Variants in MEMO1 observed in about 807,000 individuals in gnomAD.
MEMO1 encodes protein MEMO1.
Under a neutral mutation model 45.2 loss-of-function variants are expected in MEMO1, and 6 were observed. The observed-to-expected ratio is 0.13, with a 90% CI of 0.07 to 0.26. MEMO1 has a LOEUF of 0.26. Ranked by LOEUF, MEMO1 falls within the 10% of genes least tolerant of loss-of-function variation. MEMO1 has a pLI of 1.00. For missense variants in MEMO1, 184 were observed against 370.5 expected, an observed-to-expected ratio of 0.50 and a Z score of 4.13; for synonymous variants, 78 against 124.3, an observed-to-expected ratio of 0.63 and a Z score of 2.48.
At chr2:31,953,378 A>C (rs1412130154) in intron 2 of MEMO1, among the ~76,000 whole-genome samples, 1 of 152,040 alleles carries the variant, frequency 6.6e-6, no homozygotes, top group Admixed American at 6.6e-5. Flanking sequence ...AAAAAAAAAA[A>C]AAAAAAACAC....
rs1057116204 is a variant in MEMO1, at chr2:31,878,692, A to C, written c.657+4694T>G. ...GCATTACTTTCATAAAATTTAGTACAAACTTGCTAAAGACCATGTCCAGGA... is the reference window on the plus strand; with the variant it reads ...GCATTACTTTCATAAAATTTAGTACCAACTTGCTAAAGACCATGTCCAGGA... On this transcript the variant is annotated intron_variant, in intron 8 of 9. Coordinates refer to ENST00000404530, the MANE Select transcript of MEMO1 (RefSeq NM_001301833.4). Among the ~76,000 whole-genome samples the C allele has an allele frequency of 2.0e-5, 3 of 152,202 alleles. No homozygotes were observed. In the East Asian group the frequency reaches 5.8e-4, roughly 29 times the overall value.
intron 6 of MEMO1, among the ~76,000 whole-genome samples, chr2:31,894,724 C>A (rs377186902): frequency 1.3e-5 from 2 of 152,094 alleles, no homozygotes; most frequent in African/African-American, 2.4e-5. Context: ...AATTTGGGTA[C>A]GTGCACAGGG....
In MEMO1 at chr2:31,899,485, C is replaced by A. The variant is rs1678437217; in HGVS notation, c.438-7351G>T. On this transcript the variant is annotated intron_variant, in intron 6 of 9. Transcript: ENST00000404530. Reference sequence around the variant, plus strand: ...GTTGGGAAAACTGGCTAGCTATATGCAGAAAACTGAAACTGGACCCCTTCC... The same window carrying A: ...GTTGGGAAAACTGGCTAGCTATATGAAGAAAACTGAAACTGGACCCCTTCC... Among the ~76,000 whole-genome samples the A allele has an allele frequency of 2.0e-5, 3 of 152,230 alleles. No individual in the cohort carries two copies. In the East Asian group the frequency reaches 5.8e-4, roughly 29 times the overall value.
At position 31,907,898 on chromosome 2, in the gene MEMO1, CTTAT is replaced by C. The variant is rs552641664; in HGVS notation, c.437+10024_437+10027del. 1.6e-4 allele frequency among the ~76,000 whole-genome samples: 24 copies of C among 152,066 alleles called. 1 individual carries two copies. In the East Asian group the frequency reaches 4.4e-3, roughly 28 times the overall value. On this transcript the variant is annotated intron_variant, in intron 6 of 9. Coordinates refer to ENST00000404530, the MANE Select transcript of MEMO1 (RefSeq NM_001301833.4). ...TGGAAGCCAAAATGAGTTTCATTAACTTATTTATTTACTCCCACATATAAAATGC... is the reference window on the plus strand; with the variant it reads ...TGGAAGCCAAAATGAGTTTCATTAACTTATTTACTCCCACATATAAAATGC...
intron 3 of MEMO1, among the ~76,000 whole-genome samples, chr2:31,935,464 C>T (rs1664799989): frequency 6.6e-6 from 1 of 152,012 alleles, no homozygotes; most frequent in South Asian, 2.1e-4. Flanking sequence ...TCCAAGTCTG[C>T]TTGGAGTAAA....
chr2:31,912,843 CTATT>C (rs1680800660), intron 6 of MEMO1, among the ~76,000 whole-genome samples: 1 of 152,118 alleles, frequency 6.6e-6, no homozygotes, highest in African/African-American at 2.4e-5. Flanking sequence ...CTTCTTGACT[CTATT>C]TACATTTTCT....
At chr2:31,945,620 C>T (rs1044598660) in intron 2 of MEMO1, among the ~76,000 whole-genome samples, 29 of 152,316 alleles carry the variant, frequency 1.9e-4, no homozygotes, top group Admixed American at 9.8e-4. Context: ...CCCTAGCCAG[C>T]AGCCCAAAAC....
intron 3 of MEMO1, among the ~76,000 whole-genome samples, chr2:31,938,996 G>C (rs1042103099): frequency 1.3e-5 from 2 of 151,528 alleles, no homozygotes; most frequent in Non-Finnish European, 2.9e-5. Context: ...TGTTGCACAG[G>C]CTAGTCTCAA....
intron 2 of MEMO1, among the ~76,000 whole-genome samples, chr2:31,985,508 T>G (rs529954386): frequency 6.6e-6 from 1 of 152,274 alleles, no homozygotes; most frequent in East Asian, 1.9e-4. Flanking sequence ...GTATTTTTAG[T>G]ACAGACAGGG....
chr2:31,979,358 T>C (rs981164430), intron 2 of MEMO1, among the ~76,000 whole-genome samples: 10 of 152,328 alleles, frequency 6.6e-5, no homozygotes, highest in African/African-American at 2.2e-4. Context: ...TAATCACATA[T>C]AGGAATCCTA....
At chr2:31,995,696 A>G (rs1417008419) in intron 2 of MEMO1, among the ~76,000 whole-genome samples, 1 of 151,912 alleles carries the variant, frequency 6.6e-6, no homozygotes, top group Non-Finnish European at 1.5e-5. Flanking sequence ...AGAAATACAA[A>G]AAGAGAAAAA....
At chr2:31,927,977 C>G (rs1055494056) in intron 4 of MEMO1, among the ~76,000 whole-genome samples, 5 of 152,304 alleles carry the variant, frequency 3.3e-5, no homozygotes, top group Admixed American at 2.6e-4. Flanking sequence ...ACCAATTTAG[C>G]AGCACAGGGC....
intron 2 of MEMO1, among the ~76,000 whole-genome samples, chr2:31,960,089 T>C (rs1667838649): frequency 6.6e-6 from 1 of 151,328 alleles, no homozygotes; most frequent in African/African-American, 2.4e-5. Context: ...CCCAGCTACA[T>C]GGGAGGCTGA....
rs140528925 is a variant in MEMO1, at chr2:31,922,418, A to G, written c.213-1508T>C. 1.8e-4 allele frequency among the ~76,000 whole-genome samples: 28 copies of G among 152,142 alleles called. No homozygotes were observed. In the East Asian group the frequency reaches 5.2e-3, roughly 28 times the overall value. Reference sequence around the variant, plus strand: ...TCCCAAAACCTCCTTAAGACAGCACATACAGCAAACATTAAGACTTCATCC... The same window carrying G: ...TCCCAAAACCTCCTTAAGACAGCACGTACAGCAAACATTAAGACTTCATCC... On this transcript the variant is annotated intron_variant, in intron 4 of 9. Coordinates refer to ENST00000404530, the MANE Select transcript of MEMO1 (RefSeq NM_001301833.4).
intron 6 of MEMO1, among the ~76,000 whole-genome samples, chr2:31,893,767 T>C (rs968443923): frequency 1.3e-5 from 2 of 151,952 alleles, no homozygotes; most frequent in African/African-American, 4.8e-5. Flanking sequence ...GTCACAAGAG[T>C]TGGCTCACTC....
chr2:31,940,295 G>A (rs1418667426), intron 3 of MEMO1, among the ~76,000 whole-genome samples: 1 of 152,070 alleles, frequency 6.6e-6, no homozygotes, highest in Non-Finnish European at 1.5e-5. Flanking sequence ...TCTCAAGTCT[G>A]GTGCCTCTTC....
At chr2:31,895,258 C>T (rs976025279) in intron 6 of MEMO1, among the ~76,000 whole-genome samples, 1 of 152,084 alleles carries the variant, frequency 6.6e-6, no homozygotes, top group Non-Finnish European at 1.5e-5. Context: ...GACCCATATT[C>T]GGCGGGAAAA....
intron 7 of MEMO1, among the ~76,000 whole-genome samples, chr2:31,886,936 C>A (rs1268665460): frequency 6.6e-6 from 1 of 152,140 alleles, no homozygotes; most frequent in Non-Finnish European, 1.5e-5. Flanking sequence ...GTGAGTATGT[C>A]AGTAGTTTCT....
Position 31,971,022 on chromosome 2 carries a change from T to A in MEMO1, c.62-27639A>T, listed in dbSNP as rs147118190. On this transcript the variant is annotated intron_variant, in intron 2 of 9. Transcript: ENST00000404530. Reference sequence around the variant, plus strand: ...CCATCTCAAAATAAAACAAAGATATTTCATATAATTACCTACAAATTAGAC... The same window carrying A: ...CCATCTCAAAATAAAACAAAGATATATCATATAATTACCTACAAATTAGAC... 5.9e-5 allele frequency among the ~76,000 whole-genome samples: 9 copies of A among 152,168 alleles called. No individual in the cohort carries two copies. The East Asian group carries it at 1.7e-3, about 29-fold the overall frequency.
Sources: gnomAD v4.1 joint callset for allele counts (sites outside exome capture counted in the v4.1 genomes callset) on GRCh38, gnomAD v4.1.1 for gene constraint, MANE v1.5 for transcripts, NCBI Gene and HGNC (gene_info 2026-07-23, HGNC 2026-07-21) for gene names.